The following PTPRQ variants were observed in gnomAD, a reference collection of about 807,000 sequenced individuals.
PTPRQ encodes protein tyrosine phosphatase receptor type Q.
Under a neutral mutation model 246.0 loss-of-function variants are expected in PTPRQ, and 199 were observed. That is an observed-to-expected ratio of 0.81 (90% CI 0.72 to 0.91). The LOEUF (loss-of-function observed/expected upper bound fraction) is 0.91. Among genes scored for constraint, PTPRQ ranks in the 40% least tolerant of loss-of-function variants. The pLI is 0.00. For synonymous variants in PTPRQ, 869 were observed against 853.2 expected (o/e 1.02, Z -0.32); for missense variants, 2,624 against 2,528.4 (o/e 1.04, Z -0.81).
At chr12:80,578,217 C>G (rs1328218600) in intron 25 of PTPRQ, among the ~76,000 whole-genome samples, 2 of 111,458 alleles carry the variant, frequency 1.8e-5, no homozygotes, top group African/African-American at 6.8e-5. Context: ...CTATCCCTCC[C>G]CCCTCCCCCC....
intron 35 of PTPRQ, among the ~76,000 whole-genome samples, chr12:80,641,500 A>T (rs1330270937): frequency 1.3e-5 from 2 of 152,188 alleles, no homozygotes; most frequent in Non-Finnish European, 2.9e-5. Context: ...AGCCCGGTCT[A>T]TTTCTAATCT....
At chr12:80,522,935 A>G (rs2120762885) in intron 17 of PTPRQ, among the ~76,000 whole-genome samples, 1 of 152,286 alleles carries the variant, frequency 6.6e-6, no homozygotes, top group Non-Finnish European at 1.5e-5. Flanking sequence ...TTCAGAAGGA[A>G]TGGTACCAGC....
intron 43 of PTPRQ, among the ~76,000 whole-genome samples, chr12:80,675,514 C>T (rs1436032353): frequency 1.3e-5 from 2 of 152,122 alleles, no homozygotes; most frequent in East Asian, 3.9e-4. Flanking sequence ...GATCAGTGCT[C>T]TCAATGAAAT....
chr12:80,476,945 G>C (rs1035355073), intron 8 of PTPRQ, among the ~76,000 whole-genome samples: 4 of 152,204 alleles, frequency 2.6e-5, no homozygotes, highest in African/African-American at 9.7e-5. Flanking sequence ...AAGGAAAGTA[G>C]AGGTTGGAGG....
chr12:80,481,354 A>C, intron 8 of PTPRQ, among the ~76,000 whole-genome samples: 1 of 152,204 alleles, frequency 6.6e-6, no homozygotes, highest in Non-Finnish European at 1.5e-5. Flanking sequence ...TCAATAAATT[A>C]GGTATTGATG....
At chr12:80,606,600 T>C (rs1898330636) in intron 27 of PTPRQ, among the ~76,000 whole-genome samples, 1 of 151,006 alleles carries the variant, frequency 6.6e-6, no homozygotes, top group Non-Finnish European at 1.5e-5. Flanking sequence ...TTAAATTGTA[T>C]AGCATAGTGA....
chr12:80,465,839 A>T (rs2120512498), intron 6 of PTPRQ, among the ~76,000 whole-genome samples: 1 of 152,344 alleles, frequency 6.6e-6, no homozygotes, highest in Non-Finnish European at 1.5e-5. Context: ...TAAATTAGGA[A>T]TTGGTGGGAC....
chr12:80,471,153 T>G (rs1893611819), intron 7 of PTPRQ, among the ~76,000 whole-genome samples: 2 of 152,026 alleles, frequency 1.3e-5, no homozygotes, highest in South Asian at 4.1e-4. Flanking sequence ...CTGTGGGCTT[T>G]TATAAGGAGG....
intron 17 of PTPRQ, among the ~76,000 whole-genome samples, chr12:80,510,736 T>C (rs956220747): frequency 2.6e-5 from 4 of 152,200 alleles, no homozygotes; most frequent in Non-Finnish European, 4.4e-5. Flanking sequence ...TGTAAGCATA[T>C]ACTTTTACAC....
At chr12:80,650,264 A>G (rs992530445) in intron 37 of PTPRQ, among the ~76,000 whole-genome samples, 2 of 151,976 alleles carry the variant, frequency 1.3e-5, no homozygotes, top group Non-Finnish European at 2.9e-5. Flanking sequence ...TATAATGAAA[A>G]TGTATAAAAT....
chr12:80,468,238 A>G (rs1387488914), intron 6 of PTPRQ, among the ~76,000 whole-genome samples: 2 of 152,310 alleles, frequency 1.3e-5, no homozygotes, highest in East Asian at 3.9e-4. Context: ...AAATACAAAT[A>G]TTGATACAAA....
chr12:80,613,580 A>G lies in PTPRQ; in HGVS notation c.4919-12A>G, dbSNP rs1592717564. On this transcript the variant is annotated splice_polypyrimidine_tract_variant and intron_variant, in intron 28 of 44. Transcript: ENST00000644991. ...TATTTTTAAAAATTAATTGTTAAAT[A>G]TTTTATTTTAGCCCCAAAGGACCCA... 6.7e-7 allele frequency: 1 copy of G among 1,495,818 alleles called. No individual in the cohort carries two copies. The highest frequency in any genetic ancestry group is 8.9e-7 in the Non-Finnish European group (1 of 1,122,042). 92.7% of individuals were successfully genotyped at this position (1,495,818 alleles called of 1,614,324 possible). A position where few individuals can be genotyped will look rare whatever the true frequency, so the allele number is the denominator to read the frequency against.
At chr12:80,602,747 T>C (rs748773003) in intron 26 of PTPRQ, among the ~76,000 whole-genome samples, 7 of 151,816 alleles carry the variant, frequency 4.6e-5, no homozygotes, top group Non-Finnish European at 1.0e-4. Context: ...GTTCAAATGA[T>C]AGTAACATCT....
intron 33 of PTPRQ, among the ~76,000 whole-genome samples, 191 bp from the exon 34 acceptor site, chr12:80,632,001 G>T (rs1289291645): frequency 6.6e-6 from 1 of 152,120 alleles, no homozygotes; most frequent in East Asian, 1.9e-4. Context: ...GATAGAAAAA[G>T]CAAGAAGACC....
In PTPRQ at chr12:80,456,026, C is replaced by T. The variant is rs978750277; in HGVS notation, c.391-1549C>T. On this transcript the variant is annotated intron_variant, in intron 3 of 44. Coordinates refer to ENST00000644991, the MANE Select transcript of PTPRQ (RefSeq NM_001145026.2). ...GCTTCCAGTTAAGGGATAAGTATGA[C>T]ATTTCCAAGGGATAATAAAGGGTAA... Among the ~76,000 whole-genome samples, 5 of 152,286 alleles carry T rather than the reference C, an allele frequency of 3.3e-5. No homozygotes were observed. The East Asian group carries it at 9.7e-4, about 29-fold the overall frequency.
chr12:80,643,126 T>C (rs746678847), intron 35 of PTPRQ, among the ~76,000 whole-genome samples: 3 of 151,788 alleles, frequency 2.0e-5, no homozygotes, highest in Non-Finnish European at 4.4e-5. Context: ...TTACTATTAA[T>C]TGTTTTCCTG....
At chr12:80,661,490 T>C (rs917157911) in intron 39 of PTPRQ, among the ~76,000 whole-genome samples, 5 of 151,396 alleles carry the variant, frequency 3.3e-5, no homozygotes, top group African/African-American at 4.8e-5. Flanking sequence ...TGCCGATATG[T>C]ATACATTTGT....
At chr12:80,628,631 A>G (rs1899297981) in intron 33 of PTPRQ, among the ~76,000 whole-genome samples, 1 of 152,172 alleles carries the variant, frequency 6.6e-6, no homozygotes, top group East Asian at 1.9e-4. Flanking sequence ...TAAATTTAGC[A>G]AATATTTATT....
intron 35 of PTPRQ, among the ~76,000 whole-genome samples, chr12:80,641,852 T>TCTCTCTCTCTCA (rs1491081834): frequency 4.6e-5 from 7 of 151,708 alleles, no homozygotes; most frequent in Non-Finnish European, 7.4e-5. Flanking sequence ...CTTCTCTCTT[T>TCTCTCTCTCTCA]CTCTCTCTCT....
Sources: allele counts gnomAD v4.1 joint callset (sites outside exome capture counted in the v4.1 genomes callset), GRCh38; gene constraint gnomAD v4.1.1; transcripts MANE v1.5; gene names NCBI Gene and HGNC (gene_info 2026-07-23, HGNC 2026-07-21).